SMG5: variants seen among roughly 807,000 people sequenced by gnomAD.
The protein encoded by SMG5 is SMG5 nonsense mediated mRNA decay factor.
Under a neutral mutation model 122.9 loss-of-function variants are expected in SMG5, and 53 were observed. The observed-to-expected ratio is 0.43, with a 90% CI of 0.35 to 0.54. The LOEUF (loss-of-function observed/expected upper bound fraction) is 0.54. Among genes scored for constraint, SMG5 ranks in the 20% least tolerant of loss-of-function variants. The pLI is 0.01. For synonymous variants in SMG5, 477 were observed against 490.2 expected (o/e 0.97, Z 0.35); for missense variants, 1,153 against 1,285.6 (o/e 0.90, Z 1.58).
chr1:156,256,984 T>TG (rs1661606575), intron 16 of SMG5, among the ~76,000 whole-genome samples: 1 of 150,886 alleles, frequency 6.6e-6, no homozygotes. Context: ...TGGAGTGCAG[T>TG]GGCACGATCT....
chr1:156,281,631 A>C (rs1227446074), intron 1 of SMG5, among the ~76,000 whole-genome samples: 2 of 152,244 alleles, frequency 1.3e-5, no homozygotes, highest in East Asian at 1.9e-4. Flanking sequence ...AAATGTGGCC[A>C]AGGCTCTGAG....
At chr1:156,287,193 G>A (rs183038597), upstream of SMG5, among the ~76,000 whole-genome samples, 379 of 151,826 alleles carry the variant, frequency 2.5e-3, no homozygotes, top group Non-Finnish European at 4.3e-3. Context: ...GAGGTGGGTG[G>A]ATCACAATGT....
rs751568552 is a variant in SMG5 at position 156,266,518 on chromosome 1, G to A, written c.1255+23C>T. 8 of 1,614,008 alleles carry A rather than the reference G, an allele frequency of 5.0e-6. No individual in the cohort carries two copies. In the Admixed American group the frequency reaches 8.3e-5, roughly 17 times the overall value. On this transcript the variant is annotated intron_variant, in intron 11 of 21. Transcript: ENST00000361813. ...TGCCCCACACCAACCTTTCCATAGTGATGACCTCCCCGATTCTCCCACCTG... is the reference window on the plus strand; with the variant it reads ...TGCCCCACACCAACCTTTCCATAGTAATGACCTCCCCGATTCTCCCACCTG...
In SMG5 at chr1:156,279,046, T is replaced by G. The variant is rs1662815442; in HGVS notation, c.75-12A>C. The stretch of plus-strand genomic sequence containing the variant: ...CCTCCACCACAGCCCTGTAGGGAAA[T>G]ACAGGCAAATATCCCCTCAGCCATA... On this transcript the variant is annotated splice_polypyrimidine_tract_variant and intron_variant, in intron 1 of 21. Transcript: ENST00000361813. 6.2e-7 allele frequency: 1 copy of G among 1,609,860 alleles called. No individual in the cohort carries two copies. Among genetic ancestry groups the G allele is most frequent in the Non-Finnish European group, 8.5e-7 (1 of 1,176,436 alleles).
upstream of SMG5, chr1:156,285,642 G>A (rs753815586): frequency 1.1e-5 from 17 of 1,613,894 alleles, no homozygotes; most frequent in Admixed American, 5.0e-5. Flanking sequence ...TGCATTGAGC[G>A]GCAGCCCCAA....
At chr1:156,263,875 A>G (rs1661983744) in intron 12 of SMG5, among the ~76,000 whole-genome samples, 1 of 152,220 alleles carries the variant, frequency 6.6e-6, no homozygotes, top group African/African-American at 2.4e-5. Context: ...CTATTCATTC[A>G]ACTAGGATTT....
chr1:156,285,274 T>C (rs1311371524), upstream of SMG5: 1 of 1,565,930 alleles, frequency 6.4e-7, no homozygotes, highest in African/African-American at 1.4e-5. Flanking sequence ...AGAGGTCTGA[T>C]TCCCCAGAGA....
At chr1:156,288,084 G>A in the SMG5 span, among the ~76,000 whole-genome samples, 3 of 151,682 alleles carry the variant, frequency 2.0e-5, no homozygotes, top group South Asian at 2.1e-4. Context: ...GTGCGGTGGC[G>A]AGCGCCTACA....
At chr1:156,291,473 A>C in the SMG5 span, 2 of 1,613,122 alleles carry the variant, frequency 1.2e-6, no homozygotes, top group Admixed American at 3.3e-5. Flanking sequence ...GTCGATGCTG[A>C]TGTGGAACCT....
intron 13 of SMG5, among the ~76,000 whole-genome samples, chr1:156,261,765 C>G (rs1420754876): frequency 6.6e-6 from 1 of 151,864 alleles, no homozygotes; most frequent in Non-Finnish European, 1.5e-5. Flanking sequence ...TGGCAGGTGC[C>G]TATAATCCCA....
At chr1:156,269,470 C>T (rs1172165284) in intron 7 of SMG5, among the ~76,000 whole-genome samples, 1 of 152,076 alleles carries the variant, frequency 6.6e-6, no homozygotes, top group Non-Finnish European at 1.5e-5. Context: ...CTCATCTGTA[C>T]TGGGATCTGT....
At chr1:156,259,616 A>G (rs1292897829) in intron 15 of SMG5, among the ~76,000 whole-genome samples, 1 of 151,890 alleles carries the variant, frequency 6.6e-6, no homozygotes, top group East Asian at 1.9e-4. Context: ...TGCAGCCTCT[A>G]CCTCCTGGGC....
At chr1:156,286,274 G>C (rs146787963), upstream of SMG5, 14 of 1,614,192 alleles carry the variant, frequency 8.7e-6, no homozygotes, top group Middle Eastern at 1.7e-4. Context: ...CCTGGTGTAC[G>C]GGCTGAGCCT....
intron 15 of SMG5, 55 bp from the exon 16 acceptor site, chr1:156,259,218 C>T: frequency 7.4e-6 from 11 of 1,494,272 alleles, no homozygotes; most frequent in Non-Finnish European, 9.8e-6. Context: ...TAGACCCACC[C>T]TGCCCTCCAG....
At position 156,250,258 on chromosome 1, in the gene SMG5, G is replaced by A. The variant is rs1661285509; in HGVS notation, c.*329C>T. On this transcript the variant is annotated 3_prime_UTR_variant, in exon 22 of 22. Transcript: ENST00000361813. Reference sequence around the variant, plus strand: ...CTGTTCCTTCCCCTCAGAGATCCAAGAACCCATTCCAGTGAAATGCAGGTA... The same window carrying A: ...CTGTTCCTTCCCCTCAGAGATCCAAAAACCCATTCCAGTGAAATGCAGGTA... The A allele has an allele frequency of 5.1e-6, 2 of 394,286 alleles. No individual in the cohort carries two copies. The highest frequency in any genetic ancestry group is 2.4e-5 in the South Asian group (1 of 42,246). 24.4% of individuals were successfully genotyped at this position (394,286 alleles called of 1,614,324 possible). A position where few individuals can be genotyped will look rare whatever the true frequency, so the allele number is the denominator to read the frequency against.
At chr1:156,252,622 G>T in intron 18 of SMG5, 118 bp from the exon 19 acceptor site, 1 of 1,068,248 alleles carries the variant, frequency 9.4e-7, no homozygotes, top group Non-Finnish European at 1.4e-6. Context: ...AGGGACCCTG[G>T]CTCCCTAGAG....
rs751644937 is a variant in SMG5 at position 156,263,477 on chromosome 1, A to G, written c.1949T>C (p.Met650Thr). ...RSIQEKLQVLMAEGLLPAVKV... is the reference protein window; with the variant it reads ...RSIQEKLQVLTAEGLLPAVKV... ...CACAGCAGGAAGCAGACCTTCGGCC[A>G]TCAGGACCTGAAGCTTCTCCTGGAT... is the stretch of plus-strand genomic sequence containing the variant. Residue 650 changes from methionine to threonine, a missense_variant, in exon 13 of 22, where the codon ATG becomes ACG. Transcript: ENST00000361813. 1.2e-5 allele frequency: 20 copies of G among 1,614,150 alleles called. No homozygotes were observed. The highest frequency in any genetic ancestry group is 7.6e-6 in the Non-Finnish European group (9 of 1,180,046).
At chr1:156,267,726 G>T in intron 9 of SMG5, 48 bp from the exon 10 acceptor site, 6 of 1,480,788 alleles carry the variant, frequency 4.1e-6, no homozygotes, top group Non-Finnish European at 5.6e-6. Context: ...GGGGGCTGGG[G>T]AAGGAGAAGA....
rs1661299429 is a variant in SMG5, at chr1:156,250,510, AC to A, written c.*76del. The A allele has an allele frequency of 1.6e-6, 2 of 1,271,058 alleles. No homozygotes were observed. Among genetic ancestry groups the A allele is most frequent in the Admixed American group, 3.4e-5 (2 of 59,272 alleles). The allele number at this position is 1,271,058 out of a possible 1,614,324, so 78.7% of individuals were successfully genotyped here. A position where few individuals can be genotyped will look rare whatever the true frequency, so the allele number is the denominator to read the frequency against. On this transcript the variant is annotated 3_prime_UTR_variant, in exon 22 of 22. Coordinates refer to ENST00000361813, the MANE Select transcript of SMG5 (RefSeq NM_015327.3). ...TGAGTCTGCGTGTGGTGGGGTGACT[AC>A]AGGTGCTGGTCCTGGCTGCCAGGGA...
Sources: gnomAD v4.1 joint callset for allele counts (sites outside exome capture counted in the v4.1 genomes callset) on GRCh38, gnomAD v4.1.1 for gene constraint, MANE v1.5 for transcripts, NCBI Gene and HGNC (gene_info 2026-07-23, HGNC 2026-07-21) for gene names.